Variants in GLYR1 observed in about 807,000 individuals in gnomAD.
The protein encoded by GLYR1 is cytokine-like nuclear factor N-PAC.
GLYR1 carries 21 observed loss-of-function variants against 72.7 expected under a neutral mutation model. That is an observed-to-expected ratio of 0.29 (90% CI 0.20 to 0.42). The LOEUF (loss-of-function observed/expected upper bound fraction) is 0.42, where lower values mean the gene tolerates loss of function less well. Among genes scored for constraint, GLYR1 ranks in the 10% least tolerant of loss-of-function variants. The probability of loss-of-function intolerance (pLI) is 1.00; values close to 1 mark genes in which losing one functional copy is unlikely to be tolerated. For missense variants in GLYR1, 594 were observed against 712.1 expected (o/e 0.83, Z 1.89); for synonymous variants, 392 against 270.2 (o/e 1.45, Z -4.42).
At chr16:4,824,436 G>A (rs1284473332) in intron 5 of GLYR1, among the ~76,000 whole-genome samples, 1 of 146,016 alleles carries the variant, frequency 6.8e-6, no homozygotes, top group Non-Finnish European at 1.5e-5. Context: ...GGAGGTGGAA[G>A]TTGCAGTGAG....
chr16:4,840,933 A>G (rs181858815), intron 3 of GLYR1, among the ~76,000 whole-genome samples: 81 of 152,352 alleles, frequency 5.3e-4, no homozygotes, highest in African/African-American at 1.9e-3. Flanking sequence ...CCTTCTTTAG[A>G]GAAGTACTGT....
At chr16:4,820,567 T>C (rs1596336341) in intron 9 of GLYR1, among the ~76,000 whole-genome samples, 2 of 152,160 alleles carry the variant, frequency 1.3e-5, no homozygotes, top group South Asian at 4.1e-4. Context: ...CCTTATCTCC[T>C]CCACTCTACA....
chr16:4,807,360 G>A (rs370138289), intron 15 of GLYR1, among the ~76,000 whole-genome samples: 4 of 152,176 alleles, frequency 2.6e-5, no homozygotes, highest in South Asian at 2.1e-4. Flanking sequence ...TGATCTGCCC[G>A]CCTCAGCCTC....
chr16:4,807,593 T>C (rs114249109), intron 15 of GLYR1, among the ~76,000 whole-genome samples: 1,532 of 152,058 alleles, frequency 0.01, 22 homozygotes, highest in African/African-American at 0.035. Context: ...CAGTATAGAG[T>C]CTAAGCTCAT....
chr16:4,832,985 G>T, intron 3 of GLYR1, 73 bp from the exon 4 acceptor site: 1 of 1,391,302 alleles, frequency 7.2e-7, no homozygotes, highest in Non-Finnish European at 9.6e-7. Flanking sequence ...ACCTCACTAT[G>T]GCACGGTGTA....
intron 15 of GLYR1, among the ~76,000 whole-genome samples, chr16:4,807,765 T>C (rs994080569): frequency 1.3e-5 from 2 of 152,172 alleles, no homozygotes; most frequent in Admixed American, 6.5e-5. Flanking sequence ...GGGAAATAAC[T>C]ATAGTCAGAA....
Position 4,811,073 on chromosome 16 carries a change from C to T in GLYR1, c.1587+97G>A, listed in dbSNP as rs1214510174. ...TGAGCTGAGATCGCACCAGTGCACT[C>T]TAGCCTGGGTGACAGAGTGAGACTC... On this transcript the variant is annotated intron_variant, in intron 15 of 15. Transcript: ENST00000321919. The T allele has an allele frequency of 1.4e-5, 21 of 1,474,576 alleles. No homozygotes were observed. The South Asian group carries it at 2.4e-4, about 17-fold the overall frequency. The allele number at this position is 1,474,576 out of a possible 1,614,324, so 91.3% of individuals were successfully genotyped here.
In GLYR1 at chr16:4,804,976, C is replaced by T; in HGVS notation, c.*260G>A. 1.9e-6 allele frequency: 1 copy of T among 514,408 alleles called. No homozygotes were observed. Among genetic ancestry groups the T allele is most frequent in the Non-Finnish European group, 3.6e-6 (1 of 280,802 alleles). 31.9% of individuals were successfully genotyped at this position (514,408 alleles called of 1,614,324 possible). ...GTGTGTGTGTGTGTGTGTGTGAACA[C>T]ACAGCCACCTCGTCCGGGGGGCCAG... On this transcript the variant is annotated 3_prime_UTR_variant, in exon 16 of 16. Coordinates refer to ENST00000321919, the MANE Select transcript of GLYR1 (RefSeq NM_032569.4).
Position 4,811,768 on chromosome 16 carries a change from G to T in GLYR1, c.1317C>A (p.Ile439=), listed in dbSNP as rs1209546000. ...TGAAGCTCCCTTGGACCATGTTCAC[G>T]ATCAGCATCATCTTGGCTGCATTGC... ...EVGNAAKMML[I]VNMVQGSFMA... is the part of the protein sequence containing the mutation. Residue 439 remains isoleucine (I), a synonymous_variant, in exon 14 of 16, where the codon ATC becomes ATA. Coordinates refer to ENST00000321919, the MANE Select transcript of GLYR1 (RefSeq NM_032569.4). The T allele has an allele frequency of 4.3e-6, 7 of 1,613,894 alleles. No homozygotes were observed. The South Asian group carries it at 7.7e-5, about 18-fold the overall frequency.
chr16:4,833,030 G>T, intron 3 of GLYR1, 118 bp from the exon 4 acceptor site: 1 of 890,412 alleles, frequency 1.1e-6, no homozygotes. Context: ...TTTGCAATAG[G>T]CCTTGCCATT....
intron 6 of GLYR1, 61 bp downstream of exon 6, chr16:4,823,760 G>T: frequency 6.9e-6 from 7 of 1,014,732 alleles, no homozygotes; most frequent in Non-Finnish European, 1.0e-5. Flanking sequence ...AAAAAAAAAA[G>T]GATCACACAG....
At chr16:4,815,377 T>C (rs1016002009) in intron 10 of GLYR1, among the ~76,000 whole-genome samples, 11 of 152,192 alleles carry the variant, frequency 7.2e-5, no homozygotes, top group African/African-American at 9.7e-5. Flanking sequence ...TTTATCTATA[T>C]TGTTGTCTTT....
At chr16:4,846,031 G>A (rs1241087126) in intron 2 of GLYR1, 143 bp downstream of exon 2, 4 of 810,462 alleles carry the variant, frequency 4.9e-6, no homozygotes, top group South Asian at 4.1e-5. Context: ...AAAAATAACC[G>A]ATACTAGGGG....
rs1567721858 is a variant in GLYR1, at chr16:4,823,840, C to A, written c.605G>T (p.Trp202Leu). The A allele has an allele frequency of 1.2e-5, 20 of 1,613,990 alleles. No individual in the cohort carries two copies. The highest frequency in any genetic ancestry group is 1.6e-5 in the Non-Finnish European group (19 of 1,180,022). Reference protein sequence around the residue: ...MMAGPMAAFKWQPTASEPVKD... With the variant: ...MMAGPMAAFKLQPTASEPVKD... ...CCTTACCTCGCTTGCGGTTGGCTGC[C>A]ATTTAAACGCGGCCATCGGTCCGGC... The change falls in exon 6 of 16, where the codon TGG becomes TTG. Residue 202 changes from tryptophan (W) to leucine (L), a missense_variant. Coordinates refer to ENST00000321919, the MANE Select transcript of GLYR1 (RefSeq NM_032569.4).
At chr16:4,808,391 G>A (rs1053767035) in intron 15 of GLYR1, among the ~76,000 whole-genome samples, 1 of 152,048 alleles carries the variant, frequency 6.6e-6, no homozygotes, top group Non-Finnish European at 1.5e-5. Flanking sequence ...GAGGTCAGGA[G>A]TTTGAGACCA....
chr16:4,817,122 TC>T (rs1233616609), intron 10 of GLYR1, among the ~76,000 whole-genome samples: 1 of 151,012 alleles, frequency 6.6e-6, no homozygotes, highest in East Asian at 2.0e-4. Context: ...TTTTGTATTT[TC>T]TATTTTTTTT....
chr16:4,816,640 A>T (rs936584178), intron 10 of GLYR1, among the ~76,000 whole-genome samples: 1 of 152,116 alleles, frequency 6.6e-6, no homozygotes, highest in African/African-American at 2.4e-5. Context: ...TATTAGTTCT[A>T]GATTTACAAA....
intron 9 of GLYR1, among the ~76,000 whole-genome samples, chr16:4,820,570 AC>A (rs2083947922): frequency 6.6e-6 from 1 of 151,840 alleles, no homozygotes; most frequent in South Asian, 2.1e-4. Context: ...TATCTCCTCC[AC>A]TCTACAGAGA....
In GLYR1 at chr16:4,805,221, C is replaced by A; in HGVS notation, c.*15G>T. ...AGAGGGGGGATTGGAGGGGTGAGGG[C>A]GGGGTGTCGACAGCTTAGTGTATGT... is the stretch of plus-strand genomic sequence containing the variant. On this transcript the variant is annotated 3_prime_UTR_variant, in exon 16 of 16. Transcript: ENST00000321919. 1 of 1,612,082 alleles carries A rather than the reference C, an allele frequency of 6.2e-7. No homozygotes were observed. Among genetic ancestry groups the A allele is most frequent in the Non-Finnish European group, 8.5e-7 (1 of 1,178,596 alleles).
Sources: allele counts gnomAD v4.1 joint callset (sites outside exome capture counted in the v4.1 genomes callset), GRCh38; gene constraint gnomAD v4.1.1; transcripts MANE v1.5; gene names NCBI Gene and HGNC (gene_info 2026-07-23, HGNC 2026-07-21).